Variants in ADAMTSL4 observed in about 807,000 individuals in gnomAD.
ADAMTSL4 encodes the protein ADAMTS-like protein 4.
In ADAMTSL4, 97 loss-of-function variants were observed where a neutral mutation model predicts 122.8. That is an observed-to-expected ratio of 0.79 (90% CI 0.67 to 0.93). ADAMTSL4 has a LOEUF of 0.93. Ranked by LOEUF, ADAMTSL4 falls within the 40% of genes least tolerant of loss-of-function variation. The pLI, the probability that ADAMTSL4 is intolerant of heterozygous loss-of-function variation, is 0.00. For missense variants in ADAMTSL4, 1,408 were observed against 1,453.5 expected, an observed-to-expected ratio of 0.97 and a Z score of 0.51; for synonymous variants, 592 against 568.0, an observed-to-expected ratio of 1.04 and a Z score of -0.60.
rs1433724199 is a variant in ADAMTSL4 at position 150,559,460 on chromosome 1, G to A, written c.2937G>A (p.Trp979Ter). ...AGGACCGATGGTTTTCCACGCCCTG[G>A]AGCCCAGTGAGTGTCTGGCTGCGCT... ...ACQDRWFSTP[W>*]SPCSRSCQGG... The change falls in exon 17 of 19, where the codon TGG becomes TGA. Residue 979 changes from tryptophan (W) to a stop codon, truncating the protein, a stop_gained. Coordinates refer to ENST00000271643, the MANE Select transcript of ADAMTSL4 (RefSeq NM_019032.6). LOFTEE classifies it high-confidence loss of function. This position sits in a 1 kb window ranked among gnomAD's most constrained non-coding sequence, Gnocchi z 4.1. The A allele has an allele frequency of 6.2e-7, 1 of 1,613,140 alleles. No homozygotes were observed. Among genetic ancestry groups the A allele is most frequent in the Non-Finnish European group, 8.5e-7 (1 of 1,180,002 alleles).
Position 150,556,426 on chromosome 1 carries a change from C to A in ADAMTSL4, c.1576+60C>A. The A allele has an allele frequency of 6.2e-7, 1 of 1,603,816 alleles. No individual in the cohort carries two copies. Among genetic ancestry groups the A allele is most frequent in the Non-Finnish European group, 8.5e-7 (1 of 1,173,642 alleles). On this transcript the variant is annotated intron_variant, in intron 9 of 18. Transcript: ENST00000271643. This position sits in a 1 kb window ranked among gnomAD's most constrained non-coding sequence, Gnocchi z 4.1. ...CTCTGTTCGGCCCTCCATACCCCTA[C>A]TCAGAGCAGTGAGCAAGCCAAACAG...
intron 7 of ADAMTSL4, 79 bp from the exon 8 acceptor site, chr1:150,555,350 A>G (rs1671914173): frequency 1.3e-6 from 2 of 1,586,930 alleles, no homozygotes; most frequent in South Asian, 1.1e-5. Context: ...GGGCAACCTC[A>G]AGGTGCCCCC....
chr1:150,553,717 C>A lies in ADAMTSL4; in HGVS notation c.726C>A (p.Pro242=). 6.2e-7 allele frequency: 1 copy of A among 1,613,502 alleles called. No individual in the cohort carries two copies. The highest frequency in any genetic ancestry group is 8.5e-7 in the Non-Finnish European group (1 of 1,179,734). Residue 242 remains proline (P), a synonymous_variant, in exon 6 of 19, where the codon CCC becomes CCA. Transcript: ENST00000271643. ...AAACTGCTCAGACAGAGGTGGCCCCCAGAACCAGGCCTGCCCCCCTACGGC... is the reference window on the plus strand; with the variant it reads ...AAACTGCTCAGACAGAGGTGGCCCCAAGAACCAGGCCTGCCCCCCTACGGC... ...SPETAQTEVA[P]RTRPAPLRHH...
chr1:150,557,664 A>G (rs1457039629), intron 13 of ADAMTSL4, 41 bp downstream of exon 13: 1 of 1,579,918 alleles, frequency 6.3e-7, no homozygotes, highest in Admixed American at 1.8e-5. Flanking sequence ...AGGGTACTGG[A>G]AACACAGCAG....
chr1:150,557,197 C>A lies in ADAMTSL4; in HGVS notation c.1909C>A (p.Arg637=), dbSNP rs138536216. The A allele has an allele frequency of 1.0e-4, 167 of 1,612,040 alleles. No individual in the cohort carries two copies. Among genetic ancestry groups the A allele is most frequent in the Non-Finnish European group, 1.1e-4 (135 of 1,179,770 alleles). The change falls in exon 12 of 19, where the codon CGG becomes AGG. Residue 637 remains arginine (R), a synonymous_variant. Transcript: ENST00000271643. ...PPLAPAPRPA[R]TPGTLQRQVR... is the part of the protein sequence containing the mutation. ...ACTTGCTCCGGCACCCCGCCCAGCC[C>A]GGACCCCAGGCACCCTCCAGCGTCA...
chr1:150,558,969 C>G lies in ADAMTSL4; in HGVS notation c.2567C>G (p.Ala856Gly). ...FHSDWSSKCSAECGTGIQRRS... is the reference protein window; with the variant it reads ...FHSDWSSKCSGECGTGIQRRS... The stretch of plus-strand genomic sequence containing the variant: ...CGCTCTCCTCCTCCGCAGTGCTCAG[C>G]CGAGTGTGGGACGGGAATCCAGCGG... The change falls in exon 16 of 19, where the codon GCC becomes GGC. Residue 856 changes from alanine (A) to glycine (G), a missense_variant. Ala to Gly is a moderately conservative substitution (Grantham distance 60). Coordinates refer to ENST00000271643, the MANE Select transcript of ADAMTSL4 (RefSeq NM_019032.6). 1 of 1,607,902 alleles carries G rather than the reference C, an allele frequency of 6.2e-7. No homozygotes were observed. Among genetic ancestry groups the G allele is most frequent in the Non-Finnish European group, 8.5e-7 (1 of 1,178,578 alleles).
In ADAMTSL4 at chr1:150,553,993, C is replaced by T; in HGVS notation, c.1002C>T (p.His334=). The change falls in exon 6 of 19, where the codon CAC becomes CAT. Residue 334 remains histidine, a synonymous_variant. Transcript: ENST00000271643. ...HGPRLEPDPQ[H]PGAWLPLLSN... ...CCCGCCTGGAGCCTGACCCTCAGCA[C>T]CCGGGCGCCTGGCTGCCCCTGCTGA... 6.2e-7 allele frequency: 1 copy of T among 1,611,860 alleles called. No homozygotes were observed. Among genetic ancestry groups the T allele is most frequent in the African/African-American group, 1.3e-5 (1 of 75,028 alleles).
Position 150,552,234 on chromosome 1 carries a change from T to C in ADAMTSL4, c.-55T>C. The C allele has an allele frequency of 6.5e-7, 1 of 1,535,728 alleles. No individual in the cohort carries two copies. Among genetic ancestry groups the C allele is most frequent in the African/African-American group, 1.4e-5 (1 of 72,844 alleles). ...CACCCTCCACGCCCAGATGCCTGCG[T>C]AGTTTTTGTGACCAGTCCGCTCCTG... On this transcript the variant is annotated 5_prime_UTR_variant, in exon 3 of 19. The change abolishes the stop of an existing upstream ORF in the 5' untranslated region. Transcript: ENST00000271643. The surrounding 1 kb of genome is among the most constrained non-coding windows in gnomAD (Gnocchi z 4.0).
rs1195089961 is a variant in ADAMTSL4 at position 150,558,647 on chromosome 1, A to G, written c.2557A>G (p.Lys853Glu). ...CTGGTTCCACAGCGACTGGAGCTCC[A>G]AGGTGAGCCCGGAACCCCCAGCCAT... ...TAWFHSDWSS[K>E]CSAECGTGIQ... is the part of the protein sequence containing the mutation. Residue 853 changes from lysine to glutamate, a missense_variant and splice_region_variant, in exon 15 of 19, where the codon AAG becomes GAG. Coordinates refer to ENST00000271643, the MANE Select transcript of ADAMTSL4 (RefSeq NM_019032.6). 1 of 1,613,776 alleles carries G rather than the reference A, an allele frequency of 6.2e-7. No homozygotes were observed. The highest frequency in any genetic ancestry group is 8.5e-7 in the Non-Finnish European group (1 of 1,179,982).
chr1:150,552,510 TCTGACGTCCCTCC>T lies in ADAMTSL4; in HGVS notation c.21-31_21-19del. ...GTTGCAACACCCCCTCTGGCTCCAG[TCTGACGTCCCTCC>T]CCTGGCCTTTGGTTTGCAGGCCCTG... is the stretch of plus-strand genomic sequence containing the variant. On this transcript the variant is annotated intron_variant, in intron 3 of 18. Transcript: ENST00000271643. This position sits in a 1 kb window ranked among gnomAD's most constrained non-coding sequence, Gnocchi z 4.0. 6.2e-7 allele frequency: 1 copy of T among 1,613,914 alleles called. No homozygotes were observed. The highest frequency in any genetic ancestry group is 8.5e-7 in the Non-Finnish European group (1 of 1,179,860).
In ADAMTSL4 at chr1:150,553,015, C is replaced by T. The variant is rs374443010; in HGVS notation, c.196C>T (p.Arg66Cys). The change falls in exon 5 of 19, where the codon CGC becomes TGC. Residue 66 changes from arginine to cysteine, a missense_variant. Coordinates refer to ENST00000271643, the MANE Select transcript of ADAMTSL4 (RefSeq NM_019032.6). ...CCAGCCCTGCGGGGTGGGGGTGCAG[C>T]GCAGGAGCCGGACATGTCAGCTCCC... ...CSQPCGVGVQ[R>C]RSRTCQLPTV... 1.1e-4 allele frequency: 177 copies of T among 1,613,100 alleles called. No individual in the cohort carries two copies. Among genetic ancestry groups the T allele is most frequent in the Non-Finnish European group, 1.3e-4 (156 of 1,179,880 alleles).
chr1:150,552,024 G>A lies in ADAMTSL4; in HGVS notation c.-84-181G>A. ...ACTGAGCCTTAGTTGGAGGGCTGAG[G>A]TCAGCCCCTGACCATGTAGCCTCTA... On this transcript the variant is annotated intron_variant, in intron 2 of 18. Coordinates refer to ENST00000271643, the MANE Select transcript of ADAMTSL4 (RefSeq NM_019032.6). This position sits in a 1 kb window ranked among gnomAD's most constrained non-coding sequence, Gnocchi z 4.0. 1 of 530,888 alleles carries A rather than the reference G, an allele frequency of 1.9e-6. No homozygotes were observed. Among genetic ancestry groups the A allele is most frequent in the East Asian group, 3.0e-5 (1 of 33,286 alleles). 32.9% of individuals were successfully genotyped at this position (530,888 alleles called of 1,614,324 possible).
rs1260093367 is a variant in ADAMTSL4, at chr1:150,559,825, C to T, written c.3008C>T (p.Thr1003Ile). The T allele has an allele frequency of 6.2e-7, 1 of 1,614,006 alleles. No homozygotes were observed. Among genetic ancestry groups the T allele is most frequent in the Non-Finnish European group, 8.5e-7 (1 of 1,180,002 alleles). The change falls in exon 18 of 19, where the codon ACC becomes ATC. Residue 1003 changes from threonine to isoleucine, a missense_variant. By Grantham distance (89) the Thr-to-Ile change is moderately conservative (BLOSUM62 -1). Transcript: ENST00000271643. This position sits in a 1 kb window ranked among gnomAD's most constrained non-coding sequence, Gnocchi z 4.1. ...GTCCAGTGCCTGAGCACCAACCAGACCCTCAGCACCCGATGCCCTCCTCAA... is the reference window on the plus strand; with the variant it reads ...GTCCAGTGCCTGAGCACCAACCAGATCCTCAGCACCCGATGCCCTCCTCAA... ...REVQCLSTNQ[T>I]LSTRCPPQLR...
chr1:150,559,712 G>A lies in ADAMTSL4; in HGVS notation c.2944-49G>A, dbSNP rs1672587140. The A allele has an allele frequency of 6.2e-7, 1 of 1,613,052 alleles. No individual in the cohort carries two copies. ...AGAGGTGGCAGCCAGGGGTTAAGGA[G>A]AATCCCGGGCCTGGCAAAGGTCTGA... On this transcript the variant is annotated intron_variant, in intron 17 of 18. Coordinates refer to ENST00000271643, the MANE Select transcript of ADAMTSL4 (RefSeq NM_019032.6). The surrounding 1 kb of genome is among the most constrained non-coding windows in gnomAD (Gnocchi z 4.1).
Position 150,559,865 on chromosome 1 carries a change from G to A in ADAMTSL4, c.3048G>A (p.Arg1016=). ...GCCCTCCTCAACTGCGGCCCTCCAG[G>A]AAGCGCCCCTGTAACAGCCAACCCT... ...TRCPPQLRPS[R]KRPCNSQPCS... is the part of the protein sequence containing the mutation. The change falls in exon 18 of 19, where the codon AGG becomes AGA. Residue 1016 remains arginine (R), a synonymous_variant. Coordinates refer to ENST00000271643, the MANE Select transcript of ADAMTSL4 (RefSeq NM_019032.6). This position sits in a 1 kb window ranked among gnomAD's most constrained non-coding sequence, Gnocchi z 4.1. The A allele has an allele frequency of 6.2e-7, 1 of 1,613,994 alleles. No homozygotes were observed.
chr1:150,558,634 CGACTGGAGCTCCAAGGTGAGCCCGGAA>C lies in ADAMTSL4; in HGVS notation c.2545_2559+12del. On this transcript the variant is annotated splice_donor_variant and splice_donor_5th_base_variant and coding_sequence_variant and intron_variant, in exon 15 of 19. Transcript: ENST00000271643. LOFTEE classifies it high-confidence loss of function. ...CCTGTACTACTGCCTGGTTCCACAGCGACTGGAGCTCCAAGGTGAGCCCGGAACCCCCAGCCATATCCTGCATCCTGG... is the reference window on the plus strand; with the variant it reads ...CCTGTACTACTGCCTGGTTCCACAGCCCCCCAGCCATATCCTGCATCCTGG... 6.2e-7 allele frequency: 1 copy of C among 1,613,826 alleles called. No individual in the cohort carries two copies.
rs185480031 is a variant in ADAMTSL4, at chr1:150,558,472, G to A, written c.2383-1G>A. 3 of 1,613,494 alleles carry A rather than the reference G, an allele frequency of 1.9e-6. No individual in the cohort carries two copies. In the African/African-American group the frequency reaches 4.0e-5, roughly 21 times the overall value. ...TCCCTGGATTCCCCTCGCCCCCTCAGTGCTCCGTGCGGTGCGGCCGGGGCC... is the reference window on the plus strand; with the variant it reads ...TCCCTGGATTCCCCTCGCCCCCTCAATGCTCCGTGCGGTGCGGCCGGGGCC... On this transcript the variant is annotated splice_acceptor_variant, in intron 14 of 18. Coordinates refer to ENST00000271643, the MANE Select transcript of ADAMTSL4 (RefSeq NM_019032.6). LOFTEE classifies it high-confidence loss of function.
At chr1:150,555,752 C>T (rs1049299760) in intron 8 of ADAMTSL4, among the ~76,000 whole-genome samples, 187 bp downstream of exon 8, 2 of 152,034 alleles carry the variant, frequency 1.3e-5, no homozygotes, top group Non-Finnish European at 2.9e-5. Context: ...CGCATATGCA[C>T]ACACATGCAC....
chr1:150,549,605 C>G lies in ADAMTSL4; in HGVS notation c.-159+106C>G, dbSNP rs910723029. 1.3e-5 allele frequency: 2 copies of G among 152,246 alleles called. No individual in the cohort carries two copies. The highest frequency in any genetic ancestry group is 2.9e-5 in the Non-Finnish European group (2 of 68,072). The allele number at this position is 152,246 out of a possible 1,614,324, so 9.4% of individuals were successfully genotyped here. On this transcript the variant is annotated intron_variant, in intron 1 of 18. Transcript: ENST00000271643. The surrounding 1 kb of genome is among the most constrained non-coding windows in gnomAD (Gnocchi z 5.0). ...GTCCCCTCTCCCTGCGCTGTGCGGT[C>G]GCGACCCCGCCACGACCCCGGACCC...
Sources: allele counts gnomAD v4.1 joint callset (sites outside exome capture counted in the v4.1 genomes callset), GRCh38; gene constraint gnomAD v4.1.1; non-coding constraint Gnocchi (gnomAD v3.1); transcripts MANE v1.5; gene names NCBI Gene and HGNC (gene_info 2026-07-23, HGNC 2026-07-21).